Variants in AMBRA1 observed in about 807,000 individuals in gnomAD.
AMBRA1 encodes activating molecule in BECN1-regulated autophagy protein 1.
In AMBRA1, 47 loss-of-function variants were observed where a neutral mutation model predicts 125.4. That is an observed-to-expected ratio of 0.37 (90% CI 0.30 to 0.48). AMBRA1 has a LOEUF of 0.48. AMBRA1 is among the 20% of genes least tolerant of loss of function. The pLI is 0.99. For synonymous variants in AMBRA1, 626 were observed against 655.5 expected, an observed-to-expected ratio of 0.95 and a Z score of 0.69; for missense variants, 1,331 against 1,693.4, an observed-to-expected ratio of 0.79 and a Z score of 3.76.
At chr11:46,399,832 T>G (rs1364769153) in intron 17 of AMBRA1, among the ~76,000 whole-genome samples, 1 of 152,204 alleles carries the variant, frequency 6.6e-6, no homozygotes, top group Admixed American at 6.5e-5. Flanking sequence ...GACCCAGGTC[T>G]AGGGAGGGAG....
chr11:46,448,829 A>G (rs1456869538), intron 11 of AMBRA1, among the ~76,000 whole-genome samples: 3 of 152,210 alleles, frequency 2.0e-5, no homozygotes, highest in Non-Finnish European at 4.4e-5. Context: ...TATGCCTACA[A>G]ATTTGAAAAC....
At chr11:46,443,926 C>T (rs1230871321) in intron 11 of AMBRA1, among the ~76,000 whole-genome samples, 1 of 152,136 alleles carries the variant, frequency 6.6e-6, no homozygotes, top group African/African-American at 2.4e-5. Flanking sequence ...GGTGAATTTT[C>T]ACAAAAATGT....
chr11:46,406,372 T>TAAAA (rs529275776), intron 17 of AMBRA1, among the ~76,000 whole-genome samples: 8 of 81,552 alleles, frequency 9.8e-5, no homozygotes, highest in African/African-American at 2.4e-4. Flanking sequence ...ATCTTTAAAT[T>TAAAA]AAAAAAAAAA....
chr11:46,486,996 A>C (rs1296966810), intron 11 of AMBRA1, among the ~76,000 whole-genome samples: 2 of 152,032 alleles, frequency 1.3e-5, no homozygotes, highest in East Asian at 3.9e-4. Context: ...CATGGCTAAC[A>C]CCTGTAATCC....
At chr11:46,500,092 G>A (rs1373244123) in intron 9 of AMBRA1, among the ~76,000 whole-genome samples, 1 of 152,168 alleles carries the variant, frequency 6.6e-6, no homozygotes, top group Non-Finnish European at 1.5e-5. Flanking sequence ...CTCAAGATCA[G>A]ATAATAAATC....
intron 11 of AMBRA1, among the ~76,000 whole-genome samples, chr11:46,454,292 G>A (rs954319171): frequency 2.6e-5 from 4 of 151,624 alleles, no homozygotes; most frequent in African/African-American, 9.7e-5. Flanking sequence ...GCCTCTCAAA[G>A]TGCTGAGATT....
At chr11:46,545,160 C>T (rs1260880603) in intron 5 of AMBRA1, among the ~76,000 whole-genome samples, 1 of 23,704 alleles carries the variant, frequency 4.2e-5, no homozygotes, top group African/African-American at 2.6e-4. Flanking sequence ...AAAAAAAAAG[C>T]CGGGGGGGGG....
chr11:46,558,012 C>G (rs1426406546), intron 1 of AMBRA1, among the ~76,000 whole-genome samples: 1 of 152,012 alleles, frequency 6.6e-6, no homozygotes, highest in East Asian at 1.9e-4. Context: ...AGAGAAGCCA[C>G]GTGGAAGACT....
intron 14 of AMBRA1, 111 bp downstream of exon 14, chr11:46,433,363 G>C: frequency 3.7e-6 from 5 of 1,354,576 alleles, no homozygotes; most frequent in Non-Finnish European, 5.0e-6. Context: ...TACTCCTTAT[G>C]ACTGTGTGAT....
At chr11:46,397,968 G>A (rs1791138206) in intron 17 of AMBRA1, 25 bp from the exon 18 acceptor site, 1 of 1,559,446 alleles carries the variant, frequency 6.4e-7, no homozygotes, top group Non-Finnish European at 8.7e-7. Context: ...GCAGAAGAGA[G>A]AGCGAATTGG....
rs558480768 is a variant in AMBRA1 at position 46,428,069 on chromosome 11, T to A, written c.2976+5405A>T. ...CTTTCCTTCCCTGCTGCCTGGGACC[T>A]GTTTAGGGTGAGGGGGAGGCATATT... On this transcript the variant is annotated intron_variant, in intron 14 of 17. Transcript: ENST00000683756. 3.4e-5 allele frequency among the ~76,000 whole-genome samples: 5 copies of A among 147,776 alleles called. No homozygotes were observed. In the South Asian group the frequency reaches 8.7e-4, roughly 26 times the overall value.
At chr11:46,412,101 C>T (rs1946322814) in intron 15 of AMBRA1, among the ~76,000 whole-genome samples, 1 of 152,158 alleles carries the variant, frequency 6.6e-6, no homozygotes, top group African/African-American at 2.4e-5. Context: ...TGGTGTAATT[C>T]CAAAGGCCAC....
At chr11:46,459,143 A>G (rs1948984312) in intron 11 of AMBRA1, among the ~76,000 whole-genome samples, 1 of 152,242 alleles carries the variant, frequency 6.6e-6, no homozygotes, top group Non-Finnish European at 1.5e-5. Flanking sequence ...ATCTAGATAC[A>G]CGGACAGACA....
Position 46,425,826 on chromosome 11 carries a change from C to T in AMBRA1, c.2976+7648G>A, listed in dbSNP as rs543598843. On this transcript the variant is annotated intron_variant, in intron 14 of 17. Transcript: ENST00000683756. ...TGCACTCCAGCCTGTGCAACAAGAG[C>T]GAAACTCCGTCTCAAAAACAAAAAA... is the stretch of plus-strand genomic sequence containing the variant. Among the ~76,000 whole-genome samples, 223 of 148,952 alleles carry T rather than the reference C, an allele frequency of 1.5e-3. 2 individuals are homozygous for T. The highest frequency in any genetic ancestry group is 4.8e-3 in the Admixed American group (71 of 14,810).
Position 46,484,533 on chromosome 11 carries a change from G to A in AMBRA1, c.2521+9075C>T, listed in dbSNP as rs941678294. 5.3e-5 allele frequency among the ~76,000 whole-genome samples: 8 copies of A among 152,138 alleles called. No homozygotes were observed. The East Asian group carries it at 7.7e-4, about 15-fold the overall frequency. ...ACTTAAAGTACAAATAAATAGTGGCGCCTCAATCCAGACATATGGACATTA... is the reference window on the plus strand; with the variant it reads ...ACTTAAAGTACAAATAAATAGTGGCACCTCAATCCAGACATATGGACATTA... On this transcript the variant is annotated intron_variant, in intron 11 of 17. Coordinates refer to ENST00000683756, the MANE Select transcript of AMBRA1 (RefSeq NM_001387011.1).
At chr11:46,547,993 G>A in intron 2 of AMBRA1, 118 bp from the exon 3 acceptor site, 2 of 1,278,674 alleles carry the variant, frequency 1.6e-6, no homozygotes, top group Non-Finnish European at 2.2e-6. Flanking sequence ...CTTAAAAACT[G>A]GAGACAATGA....
intron 15 of AMBRA1, 135 bp from the exon 16 acceptor site, chr11:46,410,503 A>T: frequency 1.4e-6 from 1 of 722,620 alleles, no homozygotes; most frequent in Admixed American, 2.1e-5. Context: ...GCTGAAACCA[A>T]GACCAGAGCT....
chr11:46,566,036 C>T (rs548166169), intron 1 of AMBRA1, among the ~76,000 whole-genome samples: 1 of 152,110 alleles, frequency 6.6e-6, no homozygotes, highest in South Asian at 2.1e-4. Flanking sequence ...CAGGTGTGAG[C>T]CACCATGCCC....
intron 17 of AMBRA1, 53 bp from the exon 18 acceptor site, chr11:46,397,996 T>C: frequency 2.0e-6 from 3 of 1,529,440 alleles, no homozygotes; most frequent in Non-Finnish European, 2.6e-6. Flanking sequence ...CCTGGGCCTC[T>C]GAGGCAGGTG....
Sources: allele counts gnomAD v4.1 joint callset (sites outside exome capture counted in the v4.1 genomes callset), GRCh38; gene constraint gnomAD v4.1.1; transcripts MANE v1.5; gene names NCBI Gene and HGNC (gene_info 2026-07-23, HGNC 2026-07-21).